FMN2: variants seen among roughly 807,000 people sequenced by gnomAD.
FMN2 encodes formin-2.
FMN2 carries 51 observed loss-of-function variants against 142.3 expected under a neutral mutation model. That is an observed-to-expected ratio of 0.36 (90% CI 0.29 to 0.45). The LOEUF is 0.45. Among genes scored for constraint, FMN2 ranks in the 20% least tolerant of loss-of-function variants. FMN2 has a pLI of 1.00. For synonymous variants in FMN2, 882 were observed against 869.8 expected (o/e 1.01, Z -0.25); for missense variants, 1,936 against 2,122.8 (o/e 0.91, Z 1.73).
chr1:240,205,848 T>C (rs946346908), intron 4 of FMN2, among the ~76,000 whole-genome samples: 6 of 151,612 alleles, frequency 4.0e-5, no homozygotes, highest in Admixed American at 2.0e-4. Context: ...ACACCACTTA[T>C]ATGTCAGAGT....
intron 2 of FMN2, among the ~76,000 whole-genome samples, chr1:240,141,071 T>C (rs767352657): frequency 2.0e-4 from 31 of 152,196 alleles, no homozygotes; most frequent in Non-Finnish European, 4.3e-4. Context: ...AGTCTAACTT[T>C]CCTCATACTA....
chr1:240,178,173 G>C, intron 3 of FMN2, 105 bp downstream of exon 3: 2 of 1,264,882 alleles, frequency 1.6e-6, no homozygotes, highest in South Asian at 4.9e-5. Context: ...TTAATTGCAT[G>C]GCATTCAGAT....
intron 13 of FMN2, among the ~76,000 whole-genome samples, chr1:240,348,099 T>C (rs1037796294): frequency 1.3e-5 from 2 of 152,212 alleles, no homozygotes; most frequent in Non-Finnish European, 2.9e-5. Context: ...CTAGTTCAAC[T>C]CTTAGTTGTT....
chr1:240,294,982 A>C (rs1436238329), intron 8 of FMN2, 99 bp downstream of exon 8: 1 of 1,052,530 alleles, frequency 9.5e-7, no homozygotes, highest in Non-Finnish European at 1.4e-6. Flanking sequence ...CCTCTAAAGA[A>C]ATTTGATCCG....
intron 6 of FMN2, among the ~76,000 whole-genome samples, chr1:240,228,303 CAAAAAA>C (rs577421634): frequency 3.4e-4 from 16 of 47,722 alleles, no homozygotes; most frequent in Admixed American, 2.7e-3. Flanking sequence ...AACTCTGTCT[CAAAAAA>C]AAAAAAAAAA....
chr1:240,296,120 T>C (rs1669968348), intron 8 of FMN2, among the ~76,000 whole-genome samples: 1 of 152,190 alleles, frequency 6.6e-6, no homozygotes, highest in African/African-American at 2.4e-5. Flanking sequence ...GTTTAGTTCA[T>C]TCTGCCTGTT....
chr1:240,442,112 C>T (rs11577868), intron 16 of FMN2, among the ~76,000 whole-genome samples: 109,501 of 151,958 alleles, frequency 0.72, 40,261 homozygotes, highest in Admixed American at 0.83. Context: ...TGTGTCTTTT[C>T]AAATGTCCTC....
chr1:240,238,412 T>C (rs956442974), intron 6 of FMN2, among the ~76,000 whole-genome samples: 9 of 152,210 alleles, frequency 5.9e-5, no homozygotes, highest in African/African-American at 2.2e-4. Context: ...ATTTGGTGAA[T>C]ACCTAACAGT....
intron 13 of FMN2, 111 bp from the exon 14 acceptor site, chr1:240,355,705 C>A: frequency 3.1e-6 from 2 of 641,712 alleles, no homozygotes; most frequent in Non-Finnish European, 5.5e-6. Flanking sequence ...AGAACATATG[C>A]TGATTAGGGG....
chr1:240,143,626 G>A, intron 2 of FMN2: 1 of 1,610,146 alleles, frequency 6.2e-7, no homozygotes, highest in Non-Finnish European at 8.5e-7. Context: ...ACTGCGGAAT[G>A]GCTCTGATGC....
chr1:240,271,098 GT>G (rs56686860), intron 7 of FMN2, among the ~76,000 whole-genome samples: 114 of 72,232 alleles, frequency 1.6e-3, no homozygotes, highest in African/African-American at 2.6e-3. Context: ...TTCCACGATG[GT>G]TTTTTTTTTT....
At chr1:240,198,719 C>T (rs1360738788) in intron 4 of FMN2, among the ~76,000 whole-genome samples, 1 of 152,076 alleles carries the variant, frequency 6.6e-6, no homozygotes, top group Non-Finnish European at 1.5e-5. Flanking sequence ...TATAACACCT[C>T]GATCTCTTTC....
intron 14 of FMN2, among the ~76,000 whole-genome samples, chr1:240,382,823 G>GA (rs111595538): frequency 1.5e-3 from 222 of 149,470 alleles, no homozygotes; most frequent in African/African-American, 4.9e-3. Context: ...TAAATAAAAA[G>GA]AAAAAAAAAC....
intron 1 of FMN2, among the ~76,000 whole-genome samples, chr1:240,101,217 A>G (rs994506631): frequency 6.6e-6 from 1 of 152,200 alleles, no homozygotes; most frequent in Non-Finnish European, 1.5e-5. Flanking sequence ...CTTGCTGGGA[A>G]GCGTCTTCCT....
intron 8 of FMN2, among the ~76,000 whole-genome samples, chr1:240,322,283 A>G (rs1049151678): frequency 1.1e-4 from 16 of 152,130 alleles, no homozygotes; most frequent in African/African-American, 3.9e-4. Context: ...CATCTTCTAT[A>G]ATTTTTAGGA....
In FMN2 at chr1:240,367,175, A is replaced by T. The variant is rs139279821; in HGVS notation, c.4858+11267A>T. 1.3e-4 allele frequency among the ~76,000 whole-genome samples: 20 copies of T among 152,014 alleles called. No homozygotes were observed. The East Asian group carries it at 3.7e-3, about 28-fold the overall frequency. ...TGAGGTTTTCACTTGCATTTTCCTG[A>T]TTATTTTTGAGAAATCATGTGTTTT... On this transcript the variant is annotated intron_variant, in intron 14 of 17. Transcript: ENST00000319653.
intron 7 of FMN2, among the ~76,000 whole-genome samples, chr1:240,261,071 A>G (rs764067927): frequency 1.3e-5 from 2 of 151,782 alleles, no homozygotes; most frequent in Non-Finnish European, 2.9e-5. Context: ...TAAGTATTTC[A>G]CTTTATTTCT....
chr1:240,374,758 T>C (rs1028956918), intron 14 of FMN2, among the ~76,000 whole-genome samples: 12 of 152,206 alleles, frequency 7.9e-5, no homozygotes, highest in Non-Finnish European at 1.0e-4. Flanking sequence ...TTGTCCTTCA[T>C]TTCTTCACTG....
Position 240,208,527 on chromosome 1 carries a change from C to G in FMN2, c.3715C>G (p.Pro1239Ala), listed in dbSNP as rs1367043984. The G allele has an allele frequency of 6.2e-7, 1 of 1,613,094 alleles. No individual in the cohort carries two copies. The highest frequency in any genetic ancestry group is 1.1e-5 in the South Asian group (1 of 91,018). Residue 1239 changes from proline to alanine, a missense_variant, in exon 5 of 18, where the codon CCT becomes GCT. Physicochemically the swap from Pro to Ala is conservative, Grantham distance 27. Coordinates refer to ENST00000319653, the MANE Select transcript of FMN2 (RefSeq NM_020066.5). ...GTGIPPPPLL[P>A]VSGPPLLPQV... ...AGGAATCCCACCGCCCCCTCTGCTTCCTGTATCAGGCCCTCCACTCCTCCC... is the reference window on the plus strand; with the variant it reads ...AGGAATCCCACCGCCCCCTCTGCTTGCTGTATCAGGCCCTCCACTCCTCCC...
Sources: allele counts gnomAD v4.1 joint callset (sites outside exome capture counted in the v4.1 genomes callset), GRCh38; gene constraint gnomAD v4.1.1; transcripts MANE v1.5; gene names NCBI Gene and HGNC (gene_info 2026-07-23, HGNC 2026-07-21).